COL4A5: variants seen among roughly 807,000 people sequenced by gnomAD.
The protein encoded by COL4A5 is collagen type IV alpha 5 chain, also known as collagen alpha-5(IV) chain.
A neutral mutation model predicts 130.2 loss-of-function variants in COL4A5; 26 were observed. The ratio of observed to expected loss-of-function variants is 0.20; its 90% CI spans 0.15 to 0.28. The LOEUF (loss-of-function observed/expected upper bound fraction) is 0.28. Ranked by LOEUF, COL4A5 falls within the 10% of genes least tolerant of loss-of-function variation. COL4A5 has a pLI of 1.00. For synonymous variants in COL4A5, 496 were observed against 439.6 expected, an observed-to-expected ratio of 1.13 and a Z score of -1.60; for missense variants, 1,131 against 1,344.3, an observed-to-expected ratio of 0.84 and a Z score of 2.48.
intron 37 of COL4A5, among the ~76,000 whole-genome samples, chrX:108,657,269 C>T (rs1191736380): frequency 4.5e-5 from 5 of 110,815 alleles, no homozygotes; most frequent in Admixed American, 1.9e-4. Flanking sequence ...TAAACGCATC[C>T]AATAAATTAC....
At chrX:108,487,537 C>T (rs1272508658) in intron 1 of COL4A5, among the ~76,000 whole-genome samples, 1 of 110,742 alleles carries the variant, frequency 9.0e-6, no homozygotes, top group African/African-American at 3.3e-5. Context: ...TTACATTTCC[C>T]TGATCATTAG....
Position 108,578,089 on chromosome X carries a change from C to A in COL4A5, c.657C>A (p.Gly219=). The change falls in exon 12 of 53, where the codon GGC becomes GGA. Residue 219 remains glycine, a synonymous_variant. Coordinates refer to ENST00000328300, the MANE Select transcript of COL4A5 (RefSeq NM_033380.3). ...PGLPGPKGNM[G]LNFQGPKGEK... is the part of the protein sequence containing the mutation. Reference sequence around the variant, plus strand: ...ACTTCTCTCTCCAGGGGAATATGGGCTTAAATTTCCAGGGACCCAAAGGTG... The same window carrying A: ...ACTTCTCTCTCCAGGGGAATATGGGATTAAATTTCCAGGGACCCAAAGGTG... 8.3e-7 allele frequency: 1 copy of A among 1,210,243 alleles called. No homozygotes were observed. Among genetic ancestry groups the A allele is most frequent in the Non-Finnish European group, 1.1e-6 (1 of 894,586 alleles).
At chrX:108,495,262 C>A (rs1009656472) in intron 1 of COL4A5, among the ~76,000 whole-genome samples, 1 of 110,012 alleles carries the variant, frequency 9.1e-6, no homozygotes, top group African/African-American at 3.3e-5. Context: ...AACAATAAAA[C>A]GTTTAGAAAA....
intron 1 of COL4A5, among the ~76,000 whole-genome samples, chrX:108,522,296 C>T (rs1345280898): frequency 9.2e-6 from 1 of 108,699 alleles, no homozygotes; most frequent in East Asian, 2.9e-4. Flanking sequence ...TTTGCATAGA[C>T]ATGTTTCTGT....
intron 25 of COL4A5, among the ~76,000 whole-genome samples, chrX:108,601,167 A>G (rs1224852914): frequency 5.4e-5 from 6 of 111,719 alleles, no homozygotes; most frequent in Non-Finnish European, 9.4e-5. Context: ...TACATCTTGA[A>G]TCATGGAAGT....
intron 1 of COL4A5, among the ~76,000 whole-genome samples, chrX:108,510,937 A>T (rs1172757859): frequency 9.0e-6 from 1 of 111,558 alleles, no homozygotes. Flanking sequence ...AGATTTGGTA[A>T]CTAGCATATC....
chrX:108,578,146 T>C, intron 12 of COL4A5, 27 bp downstream of exon 12: 2 of 1,197,346 alleles, frequency 1.7e-6, no homozygotes, highest in Non-Finnish European at 2.3e-6. Context: ...AGCTGGTTAT[T>C]CAGCCCTCAG....
At chrX:108,667,875 A>C (rs2068116834) in intron 40 of COL4A5, among the ~76,000 whole-genome samples, 1 of 111,404 alleles carries the variant, frequency 9.0e-6, no homozygotes. Context: ...CGGTGATTAT[A>C]AATATTGGGT....
chrX:108,681,093 C>T, intron 46 of COL4A5, 137 bp downstream of exon 46: 2 of 501,115 alleles, frequency 4.0e-6, no homozygotes, highest in Non-Finnish European at 6.9e-6. Context: ...AAGGCTCTGC[C>T]TTTATTTACT....
intron 49 of COL4A5, 33 bp downstream of exon 49, chrX:108,687,727 C>A (rs749680964): frequency 1.0e-5 from 12 of 1,171,829 alleles, no homozygotes; most frequent in Non-Finnish European, 1.4e-5. Context: ...TCCTACTGTG[C>A]CTTTTGTTTT....
At chrX:108,695,930 TC>T (rs2068725361) in intron 52 of COL4A5, 1 of 223,659 alleles carries the variant, frequency 4.5e-6, no homozygotes, top group Non-Finnish European at 8.0e-6. Context: ...TTTTGGGTTA[TC>T]ACTACTTGGT....
intron 44 of COL4A5, among the ~76,000 whole-genome samples, chrX:108,679,565 C>T (rs1484051618): frequency 2.7e-5 from 3 of 111,990 alleles, no homozygotes; most frequent in Non-Finnish European, 5.6e-5. Flanking sequence ...GTACTTCCCT[C>T]CAACTATTTT....
intron 1 of COL4A5, among the ~76,000 whole-genome samples, chrX:108,457,866 A>G (rs931358018): frequency 2.7e-5 from 3 of 112,096 alleles, no homozygotes; most frequent in Non-Finnish European, 5.6e-5. Context: ...TCCTCTTAGC[A>G]TAATACATTT....
intron 1 of COL4A5, among the ~76,000 whole-genome samples, chrX:108,496,342 G>T (rs1324675697): frequency 9.0e-6 from 1 of 111,335 alleles, no homozygotes; most frequent in East Asian, 2.8e-4. Context: ...GAAGTGTCTT[G>T]TTTCATTTGC....
chrX:108,604,512 C>G (rs1603292864), intron 28 of COL4A5, among the ~76,000 whole-genome samples: 1 of 111,903 alleles, frequency 8.9e-6, no homozygotes, highest in Non-Finnish European at 1.9e-5. Flanking sequence ...CTGCTGTCAT[C>G]CAGGCTTTAT....
intron 41 of COL4A5, among the ~76,000 whole-genome samples, chrX:108,668,717 T>A (rs1325953178): frequency 8.9e-6 from 1 of 112,374 alleles, no homozygotes; most frequent in East Asian, 2.8e-4. Context: ...ATAATTTGCT[T>A]TAGTAATGCA....
intron 1 of COL4A5, among the ~76,000 whole-genome samples, chrX:108,451,737 G>A: frequency 1.8e-5 from 2 of 109,194 alleles, no homozygotes; most frequent in Middle Eastern, 4.7e-3. Flanking sequence ...TGTAGATTCT[G>A]GATATTAGCC....
intron 36 of COL4A5, among the ~76,000 whole-genome samples, chrX:108,651,946 A>G (rs939325204): frequency 8.9e-6 from 1 of 111,852 alleles, no homozygotes; most frequent in African/African-American, 3.2e-5. Flanking sequence ...TAAAATGTTA[A>G]TGGTTGCTCA....
intron 1 of COL4A5, among the ~76,000 whole-genome samples, chrX:108,506,383 T>C (rs201861306): frequency 1.0e-5 from 1 of 97,839 alleles, no homozygotes; most frequent in Non-Finnish European, 2.1e-5. Context: ...TATCTATCTA[T>C]CTATCTACCT....
Sources: gnomAD v4.1 joint callset for allele counts (sites outside exome capture counted in the v4.1 genomes callset) on GRCh38, gnomAD v4.1.1 for gene constraint, MANE v1.5 for transcripts, NCBI Gene and HGNC (gene_info 2026-07-23, HGNC 2026-07-21) for gene names.